NECTIN3: variants seen among roughly 807,000 people sequenced by gnomAD.
The protein encoded by NECTIN3 is nectin-3.
A neutral mutation model predicts 49.4 loss-of-function variants in NECTIN3; 8 were observed. The ratio of observed to expected loss-of-function variants is 0.16; its 90% CI spans 0.10 to 0.29. The LOEUF (loss-of-function observed/expected upper bound fraction) is 0.29. NECTIN3 is among the 10% of genes least tolerant of loss of function. The pLI, the probability that NECTIN3 is intolerant of heterozygous loss-of-function variation, is 1.00. For missense variants in NECTIN3, 581 were observed against 654.6 expected, an observed-to-expected ratio of 0.89 and a Z score of 1.23; for synonymous variants, 277 against 241.1, an observed-to-expected ratio of 1.15 and a Z score of -1.38.
At chr3:111,124,879 C>T (rs997051008) in intron 4 of NECTIN3, among the ~76,000 whole-genome samples, 1 of 152,046 alleles carries the variant, frequency 6.6e-6, no homozygotes, top group Non-Finnish European at 1.5e-5. Flanking sequence ...CTCAGCACCA[C>T]CAGCAAAGCA....
intron 5 of NECTIN3, among the ~76,000 whole-genome samples, chr3:111,127,421 A>G (rs2034206547): frequency 6.7e-6 from 1 of 149,422 alleles, no homozygotes; most frequent in South Asian, 2.1e-4. Context: ...CTGTATACTC[A>G]GCAGTGAGCA....
chr3:111,169,976 C>T (rs1437725510), intron 7 of NECTIN3, among the ~76,000 whole-genome samples: 2 of 152,206 alleles, frequency 1.3e-5, no homozygotes, highest in Non-Finnish European at 2.9e-5. Context: ...CATTGCTATG[C>T]TACTAAGTGA....
chr3:111,113,781 C>T (rs1283530872), intron 2 of NECTIN3, among the ~76,000 whole-genome samples: 1 of 152,034 alleles, frequency 6.6e-6, no homozygotes, highest in Non-Finnish European at 1.5e-5. Flanking sequence ...GCCAGGAGTA[C>T]AAGACCAGCC....
At chr3:111,120,765 C>T (rs2033916065) in intron 3 of NECTIN3, among the ~76,000 whole-genome samples, 1 of 152,054 alleles carries the variant, frequency 6.6e-6, no homozygotes, top group Admixed American at 6.6e-5. Flanking sequence ...CTGCATCATA[C>T]ATAACTAGCA....
intron 7 of NECTIN3, among the ~76,000 whole-genome samples, chr3:111,172,011 A>G (rs2035442614): frequency 6.6e-6 from 1 of 152,210 alleles, no homozygotes; most frequent in South Asian, 2.1e-4. Flanking sequence ...GATATCTTAA[A>G]ATAAAGAAAT....
intron 1 of NECTIN3, chr3:111,072,682 C>T: frequency 9.0e-7 from 1 of 1,112,168 alleles, no homozygotes; most frequent in Non-Finnish European, 1.3e-6. Context: ...GCCGCAGAAT[C>T]CCCTACAGCT....
chr3:111,144,881 A>C, intron 5 of NECTIN3: 1 of 1,518,080 alleles, frequency 6.6e-7, no homozygotes, highest in South Asian at 1.2e-5. Flanking sequence ...GAAAAGCCTA[A>C]TTTTTGTTAC....
At chr3:111,157,534 C>G (rs1406233804) in intron 7 of NECTIN3, among the ~76,000 whole-genome samples, 2 of 151,928 alleles carry the variant, frequency 1.3e-5, no homozygotes, top group Non-Finnish European at 2.9e-5. Context: ...TGTAGTTTTT[C>G]TTTGTAATTT....
At chr3:111,088,245 A>G (rs562158514) in intron 1 of NECTIN3, among the ~76,000 whole-genome samples, 3 of 152,260 alleles carry the variant, frequency 2.0e-5, no homozygotes, top group African/African-American at 7.2e-5. Context: ...CCTCCTCTCT[A>G]GCTTTGTTGC....
At chr3:111,089,109 CTT>C (rs1364305853) in intron 1 of NECTIN3, among the ~76,000 whole-genome samples, 1 of 151,982 alleles carries the variant, frequency 6.6e-6, no homozygotes, top group East Asian at 1.9e-4. Flanking sequence ...TTCTTATCGT[CTT>C]TTTAATGCTT....
downstream of NECTIN3, among the ~76,000 whole-genome samples, chr3:111,140,177 C>A (rs2034707092): frequency 6.6e-6 from 1 of 151,628 alleles, no homozygotes; most frequent in Admixed American, 6.6e-5. Context: ...AGTTTTCATC[C>A]CAACCACTAT....
intron 4 of NECTIN3, among the ~76,000 whole-genome samples, chr3:111,125,694 A>G (rs936303843): frequency 2.0e-5 from 3 of 152,152 alleles, no homozygotes; most frequent in Non-Finnish European, 2.9e-5. Flanking sequence ...CACAGTGTCT[A>G]TTTGCATTAG....
intron 2 of NECTIN3, among the ~76,000 whole-genome samples, chr3:111,113,806 A>G (rs770069688): frequency 1.3e-5 from 2 of 152,104 alleles, no homozygotes; most frequent in African/African-American, 4.8e-5. Flanking sequence ...CAGCATGGCA[A>G]AACCCCATCT....
At position 111,134,711 on chromosome 3, in the gene NECTIN3, ATATT is replaced by A. The variant is rs1475556301; in HGVS notation, c.*499_*502del. The A allele has an allele frequency of 1.4e-5, 12 of 882,488 alleles. No homozygotes were observed. The highest frequency in any genetic ancestry group is 5.2e-5 in the South Asian group (1 of 19,118). 54.7% of individuals were successfully genotyped at this position (882,488 alleles called of 1,614,324 possible). A position where few individuals can be genotyped will look rare whatever the true frequency, so the allele number is the denominator to read the frequency against. ...ATATATATTTTTTAATATACAAAAA[ATATT>A]TAGCCTGATGGAATGGCTTTCCTTT... On this transcript the variant is annotated 3_prime_UTR_variant, in exon 6 of 6. Coordinates refer to ENST00000485303, the MANE Select transcript of NECTIN3 (RefSeq NM_015480.3).
intron 3 of NECTIN3, among the ~76,000 whole-genome samples, chr3:111,120,836 T>G (rs943408865): frequency 6.6e-6 from 1 of 152,092 alleles, no homozygotes; most frequent in Non-Finnish European, 1.5e-5. Context: ...TAGGCCTTTC[T>G]TTTTATATTC....
intron 1 of NECTIN3, among the ~76,000 whole-genome samples, chr3:111,082,832 T>C (rs1286097248): frequency 1.3e-5 from 2 of 152,212 alleles, no homozygotes; most frequent in Non-Finnish European, 2.9e-5. Flanking sequence ...CCAGAGCTTG[T>C]TTTCCTGCAA....
chr3:111,142,057 G>A (rs2034760760), downstream of NECTIN3, among the ~76,000 whole-genome samples: 1 of 151,836 alleles, frequency 6.6e-6, no homozygotes, highest in African/African-American at 2.4e-5. Flanking sequence ...TGAGATATGT[G>A]CGAAACAGTG....
chr3:111,184,353 T>C (rs1193619375), intron 7 of NECTIN3, among the ~76,000 whole-genome samples: 1 of 152,248 alleles, frequency 6.6e-6, no homozygotes, highest in Non-Finnish European at 1.5e-5. Context: ...TGTAATACTG[T>C]TGATCTAATC....
chr3:111,122,477 A>G (rs889121452), intron 4 of NECTIN3, among the ~76,000 whole-genome samples: 1 of 152,134 alleles, frequency 6.6e-6, no homozygotes, highest in African/African-American at 2.4e-5. Context: ...CAGAGGTCTT[A>G]AGCTGCTACT....
Sources: allele counts gnomAD v4.1 joint callset (sites outside exome capture counted in the v4.1 genomes callset), GRCh38; gene constraint gnomAD v4.1.1; transcripts MANE v1.5; gene names NCBI Gene and HGNC (gene_info 2026-07-23, HGNC 2026-07-21).